The following KDM6A variants were observed in gnomAD, a reference collection of about 807,000 sequenced individuals.
KDM6A encodes lysine demethylase 6A, also known as lysine-specific demethylase 6A.
Under a neutral mutation model 117.6 loss-of-function variants are expected in KDM6A, and 11 were observed. The ratio of observed to expected loss-of-function variants is 0.09; its 90% confidence interval spans 0.06 to 0.15. The LOEUF is 0.15. Among genes scored for constraint, KDM6A ranks in the 10% least tolerant of loss-of-function variants. The pLI is 1.00. For missense variants in KDM6A, 799 were observed against 1,077.3 expected (o/e 0.74, Z 3.62); for synonymous variants, 384 against 396.1 (o/e 0.97, Z 0.36).
At chrX:45,093,736 C>T (rs1477842893) in intron 27 of KDM6A, among the ~76,000 whole-genome samples, 2 of 110,883 alleles carry the variant, frequency 1.8e-5, no homozygotes, top group African/African-American at 3.3e-5. Flanking sequence ...TTCTTGATAC[C>T]CTTTGAGACT....
intron 2 of KDM6A, among the ~76,000 whole-genome samples, chrX:44,945,301 C>A (rs2037569015): frequency 9.0e-6 from 1 of 111,507 alleles, no homozygotes; most frequent in Admixed American, 9.6e-5. Flanking sequence ...AGCTCACATT[C>A]ATTATTTTCT....
At chrX:45,007,591 T>G (rs1289911093) in intron 4 of KDM6A, among the ~76,000 whole-genome samples, 1 of 111,929 alleles carries the variant, frequency 8.9e-6, no homozygotes, top group Non-Finnish European at 1.9e-5. Flanking sequence ...CTTTTTGAAG[T>G]CCCCTTGTAC....
At chrX:45,033,267 CTA>C (rs1329706282) in intron 6 of KDM6A, among the ~76,000 whole-genome samples, 1 of 112,200 alleles carries the variant, frequency 8.9e-6, no homozygotes, top group Admixed American at 9.4e-5. Flanking sequence ...AGTCTGTTCT[CTA>C]TTGCTATGGT....
intron 8 of KDM6A, among the ~76,000 whole-genome samples, chrX:45,047,434 G>A (rs1279293099): frequency 1.0e-5 from 1 of 99,266 alleles, no homozygotes; most frequent in Non-Finnish European, 2.0e-5. Flanking sequence ...GCTTCAATCT[G>A]TATGCTTTCT....
At position 45,053,823 on chromosome X, in the gene KDM6A, C is replaced by CT. The variant is rs757809203; in HGVS notation, c.749-5dup. The CT allele has an allele frequency of 1.6e-5, 19 of 1,177,763 alleles. No individual in the cohort carries two copies. In the South Asian group the frequency reaches 2.5e-4, roughly 15 times the overall value. On this transcript the variant is annotated splice_region_variant and splice_polypyrimidine_tract_variant and intron_variant, in intron 9 of 29. Coordinates refer to ENST00000611820, the MANE Select transcript of KDM6A (RefSeq NM_001291415.2). ...TATGTAAATTTTTTTAAATCATTTA[C>CT]TGTAGGTTGGATGCATCACACTGTA...
At chrX:44,933,260 A>ATTTTTTTTTTTT (rs56098621) in intron 2 of KDM6A, among the ~76,000 whole-genome samples, 1 of 36,541 alleles carries the variant, frequency 2.7e-5, no homozygotes, top group Non-Finnish European at 4.5e-5. Context: ...GTTTATGTTG[A>ATTTTTTTTTTTT]TTTTTTTTTT....
At chrX:44,962,138 A>G (rs1602356936) in intron 3 of KDM6A, among the ~76,000 whole-genome samples, 1 of 112,308 alleles carries the variant, frequency 8.9e-6, no homozygotes, top group East Asian at 2.8e-4. Flanking sequence ...GTTTTCAACA[A>G]GTGTGTTTAG....
In KDM6A at chrX:44,926,805, G is replaced by A. The variant is rs534176019; in HGVS notation, c.226-34479G>A. On this transcript the variant is annotated intron_variant, in intron 2 of 29. Transcript: ENST00000611820. ...ACCTGTGTTTGAGTGTCTGCTTACC[G>A]TTCCTACCAAACTGTTTATTTCCAT... Among the ~76,000 whole-genome samples the A allele has an allele frequency of 4.5e-5, 5 of 111,055 alleles. No homozygotes were observed. The East Asian group carries it at 8.5e-4, about 19-fold the overall frequency.
intron 2 of KDM6A, among the ~76,000 whole-genome samples, chrX:44,934,821 A>C (rs955759972): frequency 5.4e-5 from 6 of 111,550 alleles, no homozygotes; most frequent in Non-Finnish European, 1.1e-4. Flanking sequence ...AAATGTTAGA[A>C]TTCTAGATAG....
At chrX:45,024,679 C>T (rs148826984) in intron 6 of KDM6A, among the ~76,000 whole-genome samples, 5,039 of 110,099 alleles carry the variant, frequency 0.046, 124 homozygotes, top group Non-Finnish European at 0.068. Flanking sequence ...GTTTTTGTTG[C>T]ATTTGCTTTT....
intron 2 of KDM6A, among the ~76,000 whole-genome samples, chrX:44,912,033 AGAGAGGGG>A (rs759477823): frequency 6.6e-4 from 57 of 86,196 alleles, no homozygotes; most frequent in East Asian, 3.4e-3. Context: ...AGGGAGAGGG[AGAGAGGGG>A]GAGAGGGGGA....
intron 12 of KDM6A, among the ~76,000 whole-genome samples, chrX:45,059,735 A>T (rs2044225049): frequency 8.9e-6 from 1 of 111,845 alleles, no homozygotes; most frequent in African/African-American, 3.3e-5. Flanking sequence ...TACATTTTTA[A>T]GTTGTCATAG....
chrX:45,076,958 GC>G, intron 19 of KDM6A, 132 bp downstream of exon 19: 1 of 554,347 alleles, frequency 1.8e-6, no homozygotes, highest in South Asian at 3.0e-5. Context: ...TAGTTTGGGG[GC>G]GGGGGGGAAG....
intron 3 of KDM6A, 65 bp from the exon 4 acceptor site, chrX:44,974,601 T>C (rs934650148): frequency 1.3e-6 from 1 of 746,967 alleles, no homozygotes. Flanking sequence ...GTTACCGTGT[T>C]TGTTAAGTGT....
intron 2 of KDM6A, among the ~76,000 whole-genome samples, chrX:44,906,618 T>TTG (rs1035357496): frequency 2.3e-4 from 25 of 111,007 alleles, no homozygotes; most frequent in Non-Finnish European, 4.5e-4. Flanking sequence ...TTTTTAAATA[T>TTG]TGTGTGTGTA....
At chrX:44,992,669 A>G (rs1217604793) in intron 4 of KDM6A, among the ~76,000 whole-genome samples, 9 of 106,776 alleles carry the variant, frequency 8.4e-5, no homozygotes, top group Non-Finnish European at 1.5e-4. Context: ...TCCTGCTTCA[A>G]CCTCCTGAGT....
At chrX:44,911,698 C>T (rs1010228076) in intron 2 of KDM6A, among the ~76,000 whole-genome samples, 33 of 111,369 alleles carry the variant, frequency 3.0e-4, no homozygotes, top group African/African-American at 9.4e-4. Context: ...GAGGTTGTAG[C>T]GAGCCGAGAT....
chrX:44,945,275 A>T (rs935919640), intron 2 of KDM6A, among the ~76,000 whole-genome samples: 17 of 111,361 alleles, frequency 1.5e-4, no homozygotes, highest in African/African-American at 5.6e-4. Flanking sequence ...TTAGGCAGTA[A>T]GCTTGGGGTA....
intron 2 of KDM6A, among the ~76,000 whole-genome samples, chrX:44,941,568 C>G (rs2147040142): frequency 9.3e-6 from 1 of 107,925 alleles, no homozygotes; most frequent in Non-Finnish European, 1.9e-5. Flanking sequence ...GCAAGCTCCG[C>G]CTCCCGGGTT....
Sources: gnomAD v4.1 joint callset for allele counts (sites outside exome capture counted in the v4.1 genomes callset) on GRCh38, gnomAD v4.1.1 for gene constraint, MANE v1.5 for transcripts, NCBI Gene and HGNC (gene_info 2026-07-23, HGNC 2026-07-21) for gene names.